Variants in ZP4 observed in about 807,000 individuals in gnomAD.
ZP4 encodes zona pellucida glycoprotein 4.
A neutral mutation model predicts 62.3 loss-of-function variants in ZP4; 62 were observed. That is an observed-to-expected ratio of 0.99 (90% confidence interval 0.81 to 1.23). The LOEUF (loss-of-function observed/expected upper bound fraction) is 1.23. Ranked by LOEUF, ZP4 falls within the 50% of genes most tolerant of loss-of-function variation. The pLI is 0.00. For missense variants in ZP4, 774 were observed against 656.0 expected (o/e 1.18, Z -1.97); for synonymous variants, 289 against 247.3 (o/e 1.17, Z -1.58).
At position 237,890,582 on chromosome 1, in the gene ZP4, A is replaced by T. The variant is rs141497725; in HGVS notation, c.54T>A (p.Ser18Arg). The change falls in exon 1 of 12, where the codon AGT (serine) becomes AGA (arginine). Residue 18 changes from serine to arginine, a missense_variant. Physicochemically the swap from Ser to Arg is moderately radical, Grantham distance 110. Coordinates refer to ENST00000366570, the MANE Select transcript of ZP4 (RefSeq NM_021186.5). Reference sequence around the variant, plus strand: ...CTGGTGCCTCAGGCTTATGCTGGCCACTCACAGCAAGAGATAATGAAACAC... The same window carrying T: ...CTGGTGCCTCAGGCTTATGCTGGCCTCTCACAGCAAGAGATAATGAAACAC... ...LLCVSLSLAV[S>R]GQHKPEAPDY... The T allele has an allele frequency of 1.9e-6, 3 of 1,614,034 alleles. No individual in the cohort carries two copies. The highest frequency in any genetic ancestry group is 1.7e-6 in the Non-Finnish European group (2 of 1,180,012).
chr1:237,884,034 A>T (rs1302848749), intron 10 of ZP4, among the ~76,000 whole-genome samples: 8 of 95,208 alleles, frequency 8.4e-5, no homozygotes, highest in African/African-American at 4.1e-4. Context: ...ACACACACAA[A>T]CACACACAAA....
intron 4 of ZP4, among the ~76,000 whole-genome samples, chr1:237,887,809 A>T (rs479162): frequency 0.12 from 17,517 of 152,136 alleles, 3,371 homozygotes; most frequent in African/African-American, 0.4. Flanking sequence ...CTTCAGTTTC[A>T]TGTGTTAAGA....
intron 10 of ZP4, among the ~76,000 whole-genome samples, 168 bp downstream of exon 10, chr1:237,884,601 A>G (rs1375675318): frequency 6.6e-6 from 1 of 152,198 alleles, no homozygotes; most frequent in African/African-American, 2.4e-5. Flanking sequence ...TTTAGGAGAC[A>G]TGGGATTCTG....
Position 237,890,704 on chromosome 1 carries a change from G to T in ZP4, c.-69C>A, listed in dbSNP as rs1665223382. The T allele has an allele frequency of 6.5e-6, 10 of 1,529,784 alleles. No homozygotes were observed. Among genetic ancestry groups the T allele is most frequent in the African/African-American group, 1.4e-5 (1 of 72,252 alleles). The allele number at this position is 1,529,784 out of a possible 1,614,324, so 94.8% of individuals were successfully genotyped here. On this transcript the variant is annotated 5_prime_UTR_variant, in exon 1 of 12. Transcript: ENST00000366570. Reference sequence around the variant, plus strand: ...TCTCCCAAGAGCCGAGGGTCTGCCTGCCCAGATTCCTTTATATACAGAAGT... The same window carrying T: ...TCTCCCAAGAGCCGAGGGTCTGCCTTCCCAGATTCCTTTATATACAGAAGT...
chr1:237,887,054 G>C (rs1318637010), intron 5 of ZP4, among the ~76,000 whole-genome samples, 186 bp from the exon 6 acceptor site: 1 of 152,148 alleles, frequency 6.6e-6, no homozygotes, highest in Non-Finnish European at 1.5e-5. Context: ...TCAGGACAAA[G>C]GAATAAGAAG....
chr1:237,885,068 A>G, intron 9 of ZP4, 97 bp downstream of exon 9: 2 of 1,521,432 alleles, frequency 1.3e-6, no homozygotes, highest in Non-Finnish European at 1.8e-6. Context: ...GCCAGCATTA[A>G]AGGGCTTCCT....
chr1:237,884,855 C>A lies in ZP4; in HGVS notation c.1312-8G>T, dbSNP rs2103016758. 3 of 1,612,324 alleles carry A rather than the reference C, an allele frequency of 1.9e-6. No homozygotes were observed. Among genetic ancestry groups the A allele is most frequent in the East Asian group, 2.2e-5 (1 of 44,874 alleles). On this transcript the variant is annotated splice_polypyrimidine_tract_variant and splice_region_variant and intron_variant, in intron 9 of 11. Transcript: ENST00000366570. ...GCTGCAGTGCAGATGCACCTGGGAG[C>A]CAACAGAATTCAGGTCATTTGTAGT...
intron 6 of ZP4, among the ~76,000 whole-genome samples, chr1:237,886,538 G>GA (rs1433472224): frequency 2.0e-5 from 3 of 152,100 alleles, no homozygotes; most frequent in East Asian, 1.9e-4. Flanking sequence ...GCCAAAATGA[G>GA]AAAAAAATCT....
intron 3 of ZP4, among the ~76,000 whole-genome samples, chr1:237,889,483 T>TG (rs1341462216): frequency 6.6e-6 from 1 of 151,852 alleles, no homozygotes; most frequent in African/African-American, 2.4e-5. Flanking sequence ...CACACCCGGC[T>TG]GATTGTGTGT....
chr1:237,890,019 T>C, intron 2 of ZP4, 36 bp downstream of exon 2: 1 of 1,614,128 alleles, frequency 6.2e-7, no homozygotes, highest in Non-Finnish European at 8.5e-7. Context: ...CATGAGGCGC[T>C]TCACACAGTC....
chr1:237,885,234 G>C lies in ZP4; in HGVS notation c.1242C>G (p.His414Gln). ...TGAAGGTGAAGATGCTGAAGCGCTGGTGGTGAGAGGGAAATGGAAGATCCA... is the reference window on the plus strand; with the variant it reads ...TGAAGGTGAAGATGCTGAAGCGCTGCTGGTGAGAGGGAAATGGAAGATCCA... The part of the protein sequence containing the change: ...KALDLPFPSH[H>Q]QRFSIFTFSF... Residue 414 changes from histidine to glutamine, a missense_variant, in exon 9 of 12, where the codon CAC (histidine) becomes CAG (glutamine). Transcript: ENST00000366570. 6.2e-7 allele frequency: 1 copy of C among 1,614,188 alleles called. No individual in the cohort carries two copies. Among genetic ancestry groups the C allele is most frequent in the Non-Finnish European group, 8.5e-7 (1 of 1,180,044 alleles).
chr1:237,888,527 A>T lies in ZP4; in HGVS notation c.401-17T>A. On this transcript the variant is annotated splice_polypyrimidine_tract_variant and intron_variant, in intron 3 of 11. Transcript: ENST00000366570. ...CATCTCGGGCTAGGTTTTGAAAAAG[A>T]GTAAGTCAGGTTAGATAATGGAAAA... is the stretch of plus-strand genomic sequence containing the variant. 1 of 1,581,816 alleles carries T rather than the reference A, an allele frequency of 6.3e-7. No homozygotes were observed. The highest frequency in any genetic ancestry group is 8.6e-7 in the Non-Finnish European group (1 of 1,157,168).
chr1:237,883,321 G>A (rs1405305987), intron 10 of ZP4, among the ~76,000 whole-genome samples: 4 of 151,856 alleles, frequency 2.6e-5, no homozygotes, highest in Non-Finnish European at 4.4e-5. Flanking sequence ...AAATGGAAGA[G>A]TGGGAAACAA....
intron 10 of ZP4, among the ~76,000 whole-genome samples, chr1:237,883,628 G>A (rs1345335884): frequency 4.5e-4 from 2 of 4,494 alleles, no homozygotes; most frequent in Non-Finnish European, 8.3e-4. Context: ...GTGGGAGAGA[G>A]GGGGAGGGGG....
Position 237,885,813 on chromosome 1 carries a change from G to T in ZP4, c.913C>A (p.Pro305Thr), listed in dbSNP as rs1485444539. Residue 305 changes from proline (P) to threonine (T), a missense_variant, in exon 7 of 12, where the codon CCA becomes ACA. Transcript: ENST00000366570. ...CCAGGCTGGGTCTCAGGAAAGGGTGGTGGGAGAGTGAAAACCTGGACATTG... is the reference window on the plus strand; with the variant it reads ...CCAGGCTGGGTCTCAGGAAAGGGTGTTGGGAGAGTGAAAACCTGGACATTG... ...PINVQVFTLP[P>T]PFPETQPGPL... 1 of 1,614,200 alleles carries T rather than the reference G, an allele frequency of 6.2e-7. No individual in the cohort carries two copies. Among genetic ancestry groups the T allele is most frequent in the East Asian group, 2.2e-5 (1 of 44,872 alleles).
chr1:237,887,189 G>A (rs775200685), intron 5 of ZP4, among the ~76,000 whole-genome samples, 185 bp downstream of exon 5: 2 of 152,124 alleles, frequency 1.3e-5, no homozygotes, highest in African/African-American at 2.4e-5. Flanking sequence ...GATGGTCTTA[G>A]CTGAACACCC....
intron 1 of ZP4, 36 bp from the exon 2 acceptor site, chr1:237,890,212 G>T: frequency 6.2e-7 from 1 of 1,612,636 alleles, no homozygotes. Context: ...AAACACAGCG[G>T]TCAGTCTCCA....
chr1:237,886,685 T>G, intron 6 of ZP4, 86 bp downstream of exon 6: 1 of 1,122,888 alleles, frequency 8.9e-7, no homozygotes, highest in South Asian at 1.4e-5. Flanking sequence ...CTCCTATTGC[T>G]GAGGAATGCT....
At chr1:237,887,230 A>G in intron 5 of ZP4, 144 bp downstream of exon 5, 2 of 918,878 alleles carry the variant, frequency 2.2e-6, no homozygotes, top group Non-Finnish European at 3.3e-6. Flanking sequence ...GTGATGAGGC[A>G]TTCTCCTGCC....
Sources: allele counts gnomAD v4.1 joint callset (sites outside exome capture counted in the v4.1 genomes callset), GRCh38; gene constraint gnomAD v4.1.1; transcripts MANE v1.5; gene names NCBI Gene and HGNC (gene_info 2026-07-23, HGNC 2026-07-21).